RNF216: variants seen among roughly 807,000 people sequenced by gnomAD.
RNF216 encodes E3 ubiquitin-protein ligase RNF216.
In RNF216, 72 loss-of-function variants were observed where a neutral mutation model predicts 110.8. That is an observed-to-expected ratio of 0.65 (90% CI 0.54 to 0.79). The LOEUF (loss-of-function observed/expected upper bound fraction) is 0.79, where lower values mean the gene tolerates loss of function less well. RNF216 is among the 30% of genes least tolerant of loss of function. The pLI is 0.00. For synonymous variants in RNF216, 495 were observed against 407.5 expected (o/e 1.21, Z -2.59); for missense variants, 1,342 against 1,141.2 (o/e 1.18, Z -2.54).
intron 16 of RNF216, 48 bp from the exon 17 acceptor site, chr7:5,623,227 A>T: frequency 6.7e-7 from 1 of 1,501,674 alleles, no homozygotes; most frequent in South Asian, 1.3e-5. Context: ...AACCAACCTC[A>T]ATGGAATCTA....
At chr7:5,765,704 C>T (rs1026626387) in intron 1 of RNF216, among the ~76,000 whole-genome samples, 6 of 149,934 alleles carry the variant, frequency 4.0e-5, no homozygotes, top group Non-Finnish European at 5.9e-5. Flanking sequence ...GTACTTCGGG[C>T]GGCTGAGGCG....
In RNF216 at chr7:5,634,000, G is replaced by C. The variant is rs138415635; in HGVS notation, c.2382+7154C>G. Among the ~76,000 whole-genome samples, 1,106 of 152,322 alleles carry C rather than the reference G, an allele frequency of 7.3e-3. 7 individuals carry two copies. The highest frequency in any genetic ancestry group is 0.024 in the African/African-American group (1,016 of 41,570). On this transcript the variant is annotated intron_variant, in intron 15 of 16. Coordinates refer to ENST00000389902, the MANE Select transcript of RNF216 (RefSeq NM_207111.4). The stretch of plus-strand genomic sequence containing the variant: ...AGAAACTATGAGTGATTAAAAAGGG[G>C]AAAAGATTCAATTTATTTTCACAAA...
At chr7:5,724,418 T>C (rs1793627356) in intron 8 of RNF216, among the ~76,000 whole-genome samples, 1 of 152,170 alleles carries the variant, frequency 6.6e-6, no homozygotes, top group Non-Finnish European at 1.5e-5. Context: ...ACCACTGAAG[T>C]CAGAAACAAA....
chr7:5,751,220 C>T (rs1292510818), intron 3 of RNF216, among the ~76,000 whole-genome samples: 2 of 152,128 alleles, frequency 1.3e-5, no homozygotes, highest in South Asian at 2.1e-4. Context: ...AATGAGGACA[C>T]CAGAACCTAT....
chr7:5,743,478 C>A (rs1381769113), intron 3 of RNF216, among the ~76,000 whole-genome samples: 1 of 152,072 alleles, frequency 6.6e-6, no homozygotes, highest in Non-Finnish European at 1.5e-5. Flanking sequence ...CTACAACTGA[C>A]CCCTACCAAA....
At chr7:5,717,940 A>T (rs1177209055) in intron 9 of RNF216, among the ~76,000 whole-genome samples, 1 of 151,908 alleles carries the variant, frequency 6.6e-6, no homozygotes, top group Non-Finnish European at 1.5e-5. Flanking sequence ...GAGCTAGTAC[A>T]CATGGTGGCA....
intron 13 of RNF216, among the ~76,000 whole-genome samples, chr7:5,674,004 T>G (rs910186161): frequency 2.7e-5 from 4 of 150,778 alleles, no homozygotes; most frequent in Admixed American, 6.6e-5. Context: ...AGATTACAGG[T>G]GTGCACCACC....
intron 4 of RNF216, chr7:5,739,617 C>G (rs1454915327): frequency 1.8e-6 from 1 of 551,096 alleles, no homozygotes; most frequent in African/African-American, 1.9e-5. Context: ...AAATATTGAG[C>G]ATCTCTGTCT....
At chr7:5,781,137 C>G (rs969165104) in intron 1 of RNF216, among the ~76,000 whole-genome samples, 16 of 152,294 alleles carry the variant, frequency 1.1e-4, no homozygotes, top group Admixed American at 3.3e-4. Context: ...ACAGGCACGG[C>G]CCGCCTCCCG....
At chr7:5,759,279 T>G (rs1317678603) in intron 2 of RNF216, among the ~76,000 whole-genome samples, 2 of 152,184 alleles carry the variant, frequency 1.3e-5, no homozygotes, top group Non-Finnish European at 2.9e-5. Flanking sequence ...ACCTCTTTTC[T>G]TTCTTTACAA....
intron 13 of RNF216, among the ~76,000 whole-genome samples, chr7:5,668,154 G>A (rs989884537): frequency 1.3e-4 from 20 of 152,134 alleles, no homozygotes; most frequent in Middle Eastern, 6.8e-3. Flanking sequence ...ATAGAAAAGC[G>A]GCTGCCCCTG....
chr7:5,756,555 C>T (rs541191898), intron 2 of RNF216, among the ~76,000 whole-genome samples: 3 of 152,286 alleles, frequency 2.0e-5, no homozygotes, highest in South Asian at 2.1e-4. Flanking sequence ...ACACCATGCC[C>T]GGCTAATTTT....
chr7:5,759,627 TTTC>T (rs78700718), intron 2 of RNF216, among the ~76,000 whole-genome samples: 1 of 10,986 alleles, frequency 9.1e-5, no homozygotes, highest in African/African-American at 3.0e-4. Context: ...TGGAGTCATT[TTTC>T]TTCTTTTTTT....
intron 5 of RNF216, among the ~76,000 whole-genome samples, chr7:5,731,141 T>C (rs1015882895): frequency 1.3e-5 from 2 of 152,154 alleles, no homozygotes; most frequent in Admixed American, 6.5e-5. Flanking sequence ...ACTGGAAAAT[T>C]TTAAGAAAAG....
chr7:5,692,877 T>C (rs995037199), intron 13 of RNF216, among the ~76,000 whole-genome samples: 1 of 152,256 alleles, frequency 6.6e-6, no homozygotes, highest in Admixed American at 6.5e-5. Flanking sequence ...CACTCCTCCC[T>C]TAACCCTTGG....
At chr7:5,650,438 T>C (rs1788320750) in intron 14 of RNF216, among the ~76,000 whole-genome samples, 2 of 152,222 alleles carry the variant, frequency 1.3e-5, no homozygotes, top group Non-Finnish European at 2.9e-5. Flanking sequence ...TCTCACAGCC[T>C]GCTACTGAGT....
intron 13 of RNF216, among the ~76,000 whole-genome samples, chr7:5,664,812 T>C (rs1013304513): frequency 7.2e-5 from 11 of 152,212 alleles, no homozygotes; most frequent in Admixed American, 3.9e-4. Flanking sequence ...TCTTTTTTCT[T>C]GAGATGAAGT....
At chr7:5,663,376 C>T (rs1030654789) in intron 13 of RNF216, among the ~76,000 whole-genome samples, 4 of 151,864 alleles carry the variant, frequency 2.6e-5, no homozygotes, top group Non-Finnish European at 4.4e-5. Context: ...GTCAGGAGAT[C>T]GAGACCATCC....
rs1197416649 is a variant in RNF216 at position 5,752,854 on chromosome 7, G to A, written c.193C>T (p.Leu65=). The A allele has an allele frequency of 1.9e-6, 3 of 1,611,036 alleles. No individual in the cohort carries two copies. Among genetic ancestry groups the A allele is most frequent in the Non-Finnish European group, 2.5e-6 (3 of 1,179,008 alleles). The change falls in exon 3 of 17, where the codon CTG becomes TTG. Residue 65 remains leucine, a synonymous_variant. Coordinates refer to ENST00000389902, the MANE Select transcript of RNF216 (RefSeq NM_207111.4). ...GTTTAAAGAAAACTCACTTCTGTCAGGATGACATCATCATCCAGGTCCTCT... is the reference window on the plus strand; with the variant it reads ...GTTTAAAGAAAACTCACTTCTGTCAAGATGACATCATCATCCAGGTCCTCT... The part of the protein sequence containing the change: ...EEEDLDDDVI[L]TETNKPQRSR...
Sources: allele counts gnomAD v4.1 joint callset (sites outside exome capture counted in the v4.1 genomes callset), GRCh38; gene constraint gnomAD v4.1.1; transcripts MANE v1.5; gene names NCBI Gene and HGNC (gene_info 2026-07-23, HGNC 2026-07-21).